Variants in WDR33 observed in about 807,000 individuals in gnomAD.
WDR33 encodes pre-mRNA 3' end processing protein WDR33.
WDR33 carries 47 observed loss-of-function variants against 164.9 expected under a neutral mutation model. The ratio of observed to expected loss-of-function variants is 0.29; its 90% CI spans 0.23 to 0.36. The LOEUF is 0.36. WDR33 is among the 10% of genes least tolerant of loss of function. The pLI is 1.00. For missense variants in WDR33, 1,137 were observed against 1,754.1 expected, an observed-to-expected ratio of 0.65 and a Z score of 6.28; for synonymous variants, 505 against 589.0, an observed-to-expected ratio of 0.86 and a Z score of 2.06.
intron 1 of WDR33, among the ~76,000 whole-genome samples, chr2:127,788,471 G>A (rs1322386566): frequency 3.7e-5 from 5 of 134,160 alleles, no homozygotes; most frequent in Non-Finnish European, 4.8e-5. Context: ...CCGGGCGGGG[G>A]GCTGACACCC....
At chr2:127,744,654 T>C (rs1363049675) in intron 7 of WDR33, among the ~76,000 whole-genome samples, 1 of 152,234 alleles carries the variant, frequency 6.6e-6, no homozygotes, top group African/African-American at 2.4e-5. Context: ...GAACCTTTTA[T>C]GAATGTTTAT....
Position 127,764,676 on chromosome 2 carries a change from G to A in WDR33, c.626+152C>T, listed in dbSNP as rs761110033. ...GAAAGGTGCCAGCAAAATGGTGAAT[G>A]TGTGAAAACAAAGAAAAATATTGTG... On this transcript the variant is annotated intron_variant, in intron 6 of 21. Coordinates refer to ENST00000322313, the MANE Select transcript of WDR33 (RefSeq NM_018383.5). This position sits in a 1 kb window ranked among gnomAD's most constrained non-coding sequence, Gnocchi z 6.2. The A allele has an allele frequency of 4.4e-6, 7 of 1,587,738 alleles. No individual in the cohort carries two copies. In the South Asian group the frequency reaches 7.9e-5, roughly 18 times the overall value.
At chr2:127,711,037 C>T (rs1389160804) in intron 18 of WDR33, among the ~76,000 whole-genome samples, 2 of 152,186 alleles carry the variant, frequency 1.3e-5, no homozygotes, top group Admixed American at 1.3e-4. Flanking sequence ...CTTCTAAGAA[C>T]AAGAACTTTC....
At chr2:127,743,459 A>G (rs950242557) in intron 7 of WDR33, among the ~76,000 whole-genome samples, 1 of 152,202 alleles carries the variant, frequency 6.6e-6, no homozygotes, top group African/African-American at 2.4e-5. Context: ...GCAAGGCCCC[A>G]TTATACTGCT....
intron 1 of WDR33, among the ~76,000 whole-genome samples, chr2:127,809,031 C>CAAAAAAAAA (rs11305287): frequency 4.7e-5 from 4 of 84,918 alleles, no homozygotes; most frequent in African/African-American, 1.9e-4. Flanking sequence ...ACTCTTGTCT[C>CAAAAAAAAA]AAAAAAAAAA....
At chr2:127,762,600 G>A in intron 7 of WDR33, 1 of 987,646 alleles carries the variant, frequency 1.0e-6, no homozygotes, top group East Asian at 1.1e-4. Flanking sequence ...TAGTACAAAT[G>A]TGGTGTACTG....
At chr2:127,795,093 A>C (rs1221909992) in intron 1 of WDR33, among the ~76,000 whole-genome samples, 1 of 140,684 alleles carries the variant, frequency 7.1e-6, no homozygotes, top group African/African-American at 2.8e-5. Context: ...TTATGAAGCA[A>C]TAACTTCTCT....
chr2:127,794,167 A>G (rs1448407104), intron 1 of WDR33, among the ~76,000 whole-genome samples: 1 of 135,804 alleles, frequency 7.4e-6, no homozygotes, highest in Non-Finnish European at 1.6e-5. Context: ...ACAGACAGAA[A>G]GACAGACAGA....
chr2:127,752,697 A>C (rs1687407344), intron 7 of WDR33, among the ~76,000 whole-genome samples: 1 of 152,112 alleles, frequency 6.6e-6, no homozygotes, highest in Non-Finnish European at 1.5e-5. Flanking sequence ...GTAAAACAGC[A>C]TTCCTGGTTG....
chr2:127,734,772 G>A (rs888651439), intron 7 of WDR33, among the ~76,000 whole-genome samples: 2 of 151,924 alleles, frequency 1.3e-5, no homozygotes, highest in African/African-American at 2.4e-5. Flanking sequence ...AAGTCTTCTG[G>A]ATCAAGATTG....
chr2:127,795,941 T>C (rs1427520193), intron 1 of WDR33, among the ~76,000 whole-genome samples: 1 of 151,932 alleles, frequency 6.6e-6, no homozygotes, highest in East Asian at 1.9e-4. Flanking sequence ...GCAACCTTGA[T>C]GGAATGTTAG....
Position 127,805,200 on chromosome 2 carries a change from C to T in WDR33, c.-24+5812G>A, listed in dbSNP as rs563854895. ...TCAAGCCATCCTCCTGTCTCAACCT[C>T]CCAAGTAGCTGGGACTACAGGCGCA... On this transcript the variant is annotated intron_variant, in intron 1 of 21. Coordinates refer to ENST00000322313, the MANE Select transcript of WDR33 (RefSeq NM_018383.5). Among the ~76,000 whole-genome samples the T allele has an allele frequency of 7.7e-4, 116 of 150,350 alleles. 1 individual carries two copies. Among genetic ancestry groups the T allele is most frequent in the African/African-American group, 2.7e-3 (109 of 40,842 alleles).
At position 127,701,605 on chromosome 2, in the gene WDR33, T is replaced by C; in HGVS notation, c.*4718A>G. 7.4e-7 allele frequency: 1 copy of C among 1,348,344 alleles called. No homozygotes were observed. The highest frequency in any genetic ancestry group is 9.5e-7 in the Non-Finnish European group (1 of 1,051,862). 83.5% of individuals were successfully genotyped at this position (1,348,344 alleles called of 1,614,324 possible). Reference sequence around the variant, plus strand: ...GGCGGCCCGGCGGCCGCGGAGCCGCTGCTCGCCGCGGAGAAGGCGGAGGAG... The same window carrying C: ...GGCGGCCCGGCGGCCGCGGAGCCGCCGCTCGCCGCGGAGAAGGCGGAGGAG... On this transcript the variant is annotated 3_prime_UTR_variant, in exon 22 of 22. Coordinates refer to ENST00000322313, the MANE Select transcript of WDR33 (RefSeq NM_018383.5).
At position 127,769,039 on chromosome 2, in the gene WDR33, A is replaced by AAATC. The variant is rs200939041; in HGVS notation, c.205-39_205-38insGATT. The AAATC allele has an allele frequency of 5.9e-5, 70 of 1,191,504 alleles. 1 individual carries two copies. In the East Asian group the frequency reaches 6.8e-4, roughly 11 times the overall value. The allele number at this position is 1,191,504 out of a possible 1,614,324, so 73.8% of individuals were successfully genotyped here. On this transcript the variant is annotated intron_variant, in intron 2 of 21. Transcript: ENST00000322313. ...TAAATAAATAAATAAATAAATAAAT[A>AAATC]GATCAATTAATGACTATATGGTCTG...
At position 127,701,717 on chromosome 2, in the gene WDR33, C is replaced by T. The variant is rs1685886560; in HGVS notation, c.*4606G>A. 5 of 1,347,066 alleles carry T rather than the reference C, an allele frequency of 3.7e-6. No individual in the cohort carries two copies. In the South Asian group the frequency reaches 8.8e-5, roughly 24 times the overall value. The allele number at this position is 1,347,066 out of a possible 1,614,324, so 83.4% of individuals were successfully genotyped here. ...GGAGCCCTGCGGAGTCGGCAGCGGC[C>T]GGCCTGACGTGCCTCCCGAGCGTGA... On this transcript the variant is annotated 3_prime_UTR_variant, in exon 22 of 22. Coordinates refer to ENST00000322313, the MANE Select transcript of WDR33 (RefSeq NM_018383.5).
intron 7 of WDR33, among the ~76,000 whole-genome samples, chr2:127,729,937 T>C (rs1239851772): frequency 6.6e-6 from 1 of 152,176 alleles, no homozygotes; most frequent in Non-Finnish European, 1.5e-5. Flanking sequence ...ATGCTAACAT[T>C]TAGAACTTAA....
chr2:127,806,176 G>C (rs1023788701), intron 1 of WDR33, among the ~76,000 whole-genome samples: 2 of 150,314 alleles, frequency 1.3e-5, no homozygotes, highest in African/African-American at 4.9e-5. Context: ...AATGCTTACA[G>C]TGGCTCATCA....
chr2:127,801,320 G>C (rs541767578), intron 1 of WDR33, among the ~76,000 whole-genome samples: 1 of 151,992 alleles, frequency 6.6e-6, no homozygotes, highest in South Asian at 2.1e-4. Flanking sequence ...AATAATAACT[G>C]TTGGTAAGAA....
chr2:127,796,152 A>C (rs1689032230), intron 1 of WDR33, among the ~76,000 whole-genome samples: 1 of 151,224 alleles, frequency 6.6e-6, no homozygotes, highest in Non-Finnish European at 1.5e-5. Context: ...GCTCACTGCA[A>C]CCTTGACCTC....
Sources: gnomAD v4.1 joint callset for allele counts (sites outside exome capture counted in the v4.1 genomes callset) on GRCh38, gnomAD v4.1.1 for gene constraint, Gnocchi (gnomAD v3.1) non-coding constraint, MANE v1.5 for transcripts, NCBI Gene and HGNC (gene_info 2026-07-23, HGNC 2026-07-21) for gene names.